PRDM15: variants seen among roughly 807,000 people sequenced by gnomAD.
PRDM15 encodes the protein PR/SET domain 15.
Under a neutral mutation model 128.6 loss-of-function variants are expected in PRDM15, and 64 were observed. That is an observed-to-expected ratio of 0.50 (90% CI 0.41 to 0.61). The LOEUF is 0.61. Ranked by LOEUF, PRDM15 falls within the 20% of genes least tolerant of loss-of-function variation. PRDM15 has a pLI of 0.00. For missense variants in PRDM15, 1,242 were observed against 1,569.1 expected, an observed-to-expected ratio of 0.79 and a Z score of 3.52; for synonymous variants, 615 against 621.8, an observed-to-expected ratio of 0.99 and a Z score of 0.16.
At chr21:41,861,665 C>A (rs757529774) in intron 1 of PRDM15, 6 of 1,614,136 alleles carry the variant, frequency 3.7e-6, no homozygotes, top group Non-Finnish European at 5.1e-6. Context: ...ACACGCCCTC[C>A]ACCCCGCTCA....
At chr21:41,849,442 G>A (rs1441181367) in intron 5 of PRDM15, among the ~76,000 whole-genome samples, 3 of 151,984 alleles carry the variant, frequency 2.0e-5, no homozygotes, top group Non-Finnish European at 4.4e-5. Flanking sequence ...GGTGGCATGC[G>A]CCTGTAATTA....
At chr21:41,846,908 G>A (rs879856885) in intron 6 of PRDM15, among the ~76,000 whole-genome samples, 182 bp downstream of exon 6, 2 of 152,126 alleles carry the variant, frequency 1.3e-5, no homozygotes, top group Non-Finnish European at 2.9e-5. Context: ...GGTGGGAAGC[G>A]GGACTGCCCA....
At position 41,826,068 on chromosome 21, in the gene PRDM15, C is replaced by A. The variant is rs763217408; in HGVS notation, c.1535-14G>T. The A allele has an allele frequency of 1.2e-6, 2 of 1,607,324 alleles. No homozygotes were observed. The highest frequency in any genetic ancestry group is 1.7e-6 in the Non-Finnish European group (2 of 1,173,876). On this transcript the variant is annotated splice_polypyrimidine_tract_variant and intron_variant, in intron 12 of 23. Coordinates refer to ENST00000398548, the MANE Select transcript of PRDM15 (RefSeq NM_001040424.3). ...CTCGCCGCACTCCTGAAATTGCCAA[C>A]CCCACCAGCAAGACAGTGAATACAC... is the stretch of plus-strand genomic sequence containing the variant.
intron 6 of PRDM15, among the ~76,000 whole-genome samples, chr21:41,842,808 G>A (rs967939615): frequency 5.6e-5 from 7 of 124,272 alleles, no homozygotes; most frequent in East Asian, 2.2e-4. Flanking sequence ...TTTTTGAGAC[G>A]GAGTCTCACT....
chr21:41,809,627 A>T (rs1335318752), intron 21 of PRDM15, among the ~76,000 whole-genome samples: 1 of 152,044 alleles, frequency 6.6e-6, no homozygotes, highest in African/African-American at 2.4e-5. Context: ...ACGCTTAGAG[A>T]GTCTACTCTT....
intron 5 of PRDM15, among the ~76,000 whole-genome samples, chr21:41,850,135 G>A (rs1293358809): frequency 6.6e-6 from 1 of 152,210 alleles, no homozygotes; most frequent in East Asian, 1.9e-4. Flanking sequence ...TTGAGAAGGT[G>A]AGTGAGAAAT....
chr21:41,868,249 G>A (rs953785371), intron 1 of PRDM15, among the ~76,000 whole-genome samples: 1 of 152,134 alleles, frequency 6.6e-6, no homozygotes, highest in Admixed American at 6.5e-5. Flanking sequence ...AAGGACACTT[G>A]CAATTTTTCC....
chr21:41,825,072 C>T (rs2062421654), intron 13 of PRDM15, among the ~76,000 whole-genome samples: 1 of 152,236 alleles, frequency 6.6e-6, no homozygotes, highest in Admixed American at 6.5e-5. Context: ...AGCTGCTGGG[C>T]CCAGAGCCCG....
chr21:41,839,059 A>G (rs2146612470), intron 7 of PRDM15, among the ~76,000 whole-genome samples: 1 of 152,298 alleles, frequency 6.6e-6, no homozygotes, highest in African/African-American at 2.4e-5. Context: ...CAGAGACCAC[A>G]CACCCTGGAA....
At chr21:41,827,336 C>T (rs143218246) in intron 12 of PRDM15, among the ~76,000 whole-genome samples, 100 of 152,248 alleles carry the variant, frequency 6.6e-4, no homozygotes, top group Admixed American at 4.5e-3. Context: ...CCTATTTGGA[C>T]GGACATGGTT....
At chr21:41,814,567 C>G (rs111579023) in intron 19 of PRDM15, 3,552 of 65,498 alleles carry the variant, frequency 0.054, 103 homozygotes, top group Middle Eastern at 0.14. Flanking sequence ...GATTGCGCAG[C>G]GTGCTCTAGT....
rs2062025766 is a variant in PRDM15 at position 41,815,695 on chromosome 21, T to G, written c.2392+10A>C. On this transcript the variant is annotated intron_variant, in intron 19 of 23. Transcript: ENST00000398548. ...CGCCGTGGCTGGCGCGGCCCGGGCC[T>G]CGGACTCACCCGTGTGCCGCTTGCA... 6.2e-7 allele frequency: 1 copy of G among 1,612,352 alleles called. No individual in the cohort carries two copies. The highest frequency in any genetic ancestry group is 8.5e-7 in the Non-Finnish European group (1 of 1,179,836).
At chr21:41,869,844 T>C (rs1161837535) in intron 1 of PRDM15, among the ~76,000 whole-genome samples, 2 of 152,258 alleles carry the variant, frequency 1.3e-5, no homozygotes, top group Non-Finnish European at 2.9e-5. Context: ...TCCACCTTTT[T>C]GTCTACAACG....
intron 5 of PRDM15, among the ~76,000 whole-genome samples, chr21:41,853,691 C>A (rs2063495756): frequency 6.6e-6 from 1 of 152,210 alleles, no homozygotes. Context: ...CTGTGACCCG[C>A]TTTTTCAGCA....
intron 7 of PRDM15, among the ~76,000 whole-genome samples, chr21:41,839,276 G>A (rs577308200): frequency 2.0e-5 from 3 of 152,294 alleles, no homozygotes; most frequent in South Asian, 2.1e-4. Context: ...GAGTCCATTC[G>A]TGAGAAATTC....
chr21:41,825,546 T>C (rs1359111389), intron 13 of PRDM15, among the ~76,000 whole-genome samples: 1 of 152,178 alleles, frequency 6.6e-6, no homozygotes, highest in Non-Finnish European at 1.5e-5. Context: ...ACGCCAGCCA[T>C]CCACTGCACG....
chr21:41,821,945 G>A lies in PRDM15; in HGVS notation c.1854C>T (p.Ser618=), dbSNP rs1323995826. The part of the protein sequence containing the change: ...SEENDDNSDE[S]ADSEPHKYSC... ...TGTACTTGTGAGGCTCCGAGTCTGCGCTCTCGTCAGAATTGTCATCGTTTT... is the reference window on the plus strand; with the variant it reads ...TGTACTTGTGAGGCTCCGAGTCTGCACTCTCGTCAGAATTGTCATCGTTTT... Residue 618 remains serine, a synonymous_variant, in exon 15 of 24, where the codon AGC becomes AGT. Transcript: ENST00000398548. The surrounding 1 kb of genome is among the most constrained non-coding windows in gnomAD (Gnocchi z 5.4). 7.4e-6 allele frequency: 12 copies of A among 1,614,186 alleles called. No homozygotes were observed. Among genetic ancestry groups the A allele is most frequent in the Non-Finnish European group, 1.0e-5 (12 of 1,180,046 alleles).
At chr21:41,863,936 C>T (rs943299171) in intron 1 of PRDM15, among the ~76,000 whole-genome samples, 1 of 152,056 alleles carries the variant, frequency 6.6e-6, no homozygotes, top group Admixed American at 6.6e-5. Context: ...CTCCGCCTCC[C>T]AAGTTCAAGC....
chr21:41,829,114 C>A (rs1568939263), intron 11 of PRDM15, among the ~76,000 whole-genome samples: 1 of 121,156 alleles, frequency 8.3e-6, no homozygotes, highest in African/African-American at 3.2e-5. Flanking sequence ...ATCACACACA[C>A]CACACTCAAC....
Sources: gnomAD v4.1 joint callset for allele counts (sites outside exome capture counted in the v4.1 genomes callset) on GRCh38, gnomAD v4.1.1 for gene constraint, Gnocchi (gnomAD v3.1) non-coding constraint, MANE v1.5 for transcripts, NCBI Gene and HGNC (gene_info 2026-07-23, HGNC 2026-07-21) for gene names.